The following UNKL variants were observed in gnomAD, a reference collection of about 807,000 sequenced individuals.
UNKL encodes the protein unk like zinc finger, also known as putative E3 ubiquitin-protein ligase UNKL.
Under a neutral mutation model 78.0 loss-of-function variants are expected in UNKL, and 60 were observed. That is an observed-to-expected ratio of 0.77 (90% CI 0.63 to 0.95). The LOEUF is 0.95. UNKL is among the 40% of genes least tolerant of loss of function. The pLI is 0.00. For missense variants in UNKL, 1,159 were observed against 1,045.7 expected (o/e 1.11, Z -1.49); for synonymous variants, 608 against 474.8 (o/e 1.28, Z -3.65).
In UNKL at chr16:1,399,021, AC is replaced by A; in HGVS notation, c.734+352del. 6.9e-7 allele frequency: 1 copy of A among 1,449,658 alleles called. No homozygotes were observed. 89.8% of individuals were successfully genotyped at this position (1,449,658 alleles called of 1,614,324 possible). A position where few individuals can be genotyped will look rare whatever the true frequency, so the allele number is the denominator to read the frequency against. On this transcript the variant is annotated intron_variant, in intron 5 of 14. Coordinates refer to ENST00000389221, the MANE Select transcript of UNKL (RefSeq NM_001372107.1). This position sits in a 1 kb window ranked among gnomAD's most constrained non-coding sequence, Gnocchi z 5.8. ...TGGGTGAGGAGACAGCATGCAGCCCACAGGCTGGAGAGCGTGGCTGCAACCA... is the reference window on the plus strand; with the variant it reads ...TGGGTGAGGAGACAGCATGCAGCCCAAGGCTGGAGAGCGTGGCTGCAACCA...
intron 2 of UNKL, chr16:1,412,271 A>C (rs1177618883): frequency 6.6e-6 from 1 of 152,278 alleles, no homozygotes; most frequent in Non-Finnish European, 1.5e-5. Context: ...TTGTAAAAAA[A>C]GAAAAAAATC....
Position 1,403,143 on chromosome 16 carries a change from T to C in UNKL, c.464+25A>G, listed in dbSNP as rs777555071. The C allele has an allele frequency of 6.3e-7, 1 of 1,594,726 alleles. No individual in the cohort carries two copies. The highest frequency in any genetic ancestry group is 2.3e-5 in the East Asian group (1 of 44,390). On this transcript the variant is annotated intron_variant, in intron 3 of 14. Transcript: ENST00000389221. The surrounding 1 kb of genome is among the most constrained non-coding windows in gnomAD (Gnocchi z 4.8). ...AGCCCACAGCAGCAGGCAGGCCAAG[T>C]GCCCACTCGTGGATGCCCACTCACC...
Position 1,388,072 on chromosome 16 carries a change from A to G in UNKL, c.1086+2560T>C, listed in dbSNP as rs1334704669. On this transcript the variant is annotated intron_variant, in intron 9 of 14. Coordinates refer to ENST00000389221, the MANE Select transcript of UNKL (RefSeq NM_001372107.1). ...CACCCAGGCCCAGAGGCCACCTCCC[A>G]TGTAAGGGAGAGCTGAGGGACTGTT... Among the ~76,000 whole-genome samples the G allele has an allele frequency of 2.0e-5, 3 of 151,814 alleles. No individual in the cohort carries two copies. In the East Asian group the frequency reaches 5.8e-4, roughly 30 times the overall value.
intron 2 of UNKL, chr16:1,408,392 GC>G (rs1275106437): frequency 6.5e-6 from 1 of 153,150 alleles, no homozygotes; most frequent in African/African-American, 2.4e-5. Context: ...GCGGGGCGGG[GC>G]GGGGCCGAGA....
chr16:1,405,670 G>C (rs2037724151), intron 2 of UNKL, among the ~76,000 whole-genome samples: 1 of 152,002 alleles, frequency 6.6e-6, no homozygotes, highest in Non-Finnish European at 1.5e-5. Context: ...AGAAAGCACA[G>C]AGCCATTGCT....
At chr16:1,410,987 T>A (rs1337123248) in intron 2 of UNKL, among the ~76,000 whole-genome samples, 1 of 152,060 alleles carries the variant, frequency 6.6e-6, no homozygotes, top group Non-Finnish European at 1.5e-5. Flanking sequence ...TCCCTGCACG[T>A]TGGAGAGGCC....
rs2035050034 is a variant in UNKL at position 1,364,172 on chromosome 16, T to G, written c.*2068A>C. 1 of 152,212 alleles carries G rather than the reference T, an allele frequency of 6.6e-6. No individual in the cohort carries two copies. The highest frequency in any genetic ancestry group is 2.4e-5 in the African/African-American group (1 of 41,454). The allele number at this position is 152,212 out of a possible 1,614,324, so 9.4% of individuals were successfully genotyped here. ...TACTGAGCTAATAAATCACTGTAGT[T>G]AAAAACAAAATAGATTCACTGAAAC... On this transcript the variant is annotated 3_prime_UTR_variant, in exon 15 of 15. Transcript: ENST00000389221.
intron 4 of UNKL, 62 bp downstream of exon 4, chr16:1,401,506 A>T: frequency 2.8e-6 from 4 of 1,426,284 alleles, no homozygotes; most frequent in Non-Finnish European, 3.7e-6. Context: ...AAGTGGCCCG[A>T]GCTGTTCTCG....
In UNKL at chr16:1,366,080, G is replaced by T. The variant is rs577149905; in HGVS notation, c.*160C>A. 2.4e-6 allele frequency: 2 copies of T among 818,526 alleles called. No individual in the cohort carries two copies. Among genetic ancestry groups the T allele is most frequent in the East Asian group, 6.1e-5 (2 of 32,808 alleles). 50.7% of individuals were successfully genotyped at this position (818,526 alleles called of 1,614,324 possible). A position where few individuals can be genotyped will look rare whatever the true frequency, so the allele number is the denominator to read the frequency against. On this transcript the variant is annotated 3_prime_UTR_variant, in exon 15 of 15. Coordinates refer to ENST00000389221, the MANE Select transcript of UNKL (RefSeq NM_001372107.1). Reference sequence around the variant, plus strand: ...GTGACAGGAAAGGCTGTCAGGCCAAGCGCAGGCGGGGCTCCCAGCCTCATG... The same window carrying T: ...GTGACAGGAAAGGCTGTCAGGCCAATCGCAGGCGGGGCTCCCAGCCTCATG...
intron 10 of UNKL, among the ~76,000 whole-genome samples, chr16:1,375,025 G>A (rs1445922978): frequency 6.6e-6 from 1 of 152,200 alleles, no homozygotes; most frequent in African/African-American, 2.4e-5. Flanking sequence ...TCTCCTCCCT[G>A]GAAGCAGCTG....
In UNKL at chr16:1,397,159, G is replaced by A. The variant is rs745806863; in HGVS notation, c.852+19C>T. The A allele has an allele frequency of 1.4e-4, 213 of 1,545,710 alleles. 3 individuals carry two copies. The South Asian group carries it at 2.3e-3, about 17-fold the overall frequency. ...GACCTTCCAGCGACCCCTACGCCTG[G>A]GGGGTTGGAGGGACGTACCTCGGGA... is the stretch of plus-strand genomic sequence containing the variant. On this transcript the variant is annotated intron_variant, in intron 6 of 14. Transcript: ENST00000389221.
chr16:1,401,645 ACCCCTT>A lies in UNKL; in HGVS notation c.515_520del (p.Glu172_Gly173del). On this transcript the variant is annotated inframe_deletion, in exon 4 of 15. Coordinates refer to ENST00000389221, the MANE Select transcript of UNKL (RefSeq NM_001372107.1). Reference sequence around the variant, plus strand: ...CAAGACCCCAGGCTGCAGATCCGGGACCCCTTCCCCGCCGCCCAGCTGGCCGTTCTG... The same window carrying A: ...CAAGACCCCAGGCTGCAGATCCGGGACCCCGCCGCCCAGCTGGCCGTTCTG... 1 of 1,611,586 alleles carries A rather than the reference ACCCCTT, an allele frequency of 6.2e-7. No individual in the cohort carries two copies. Among genetic ancestry groups the A allele is most frequent in the Non-Finnish European group, 8.5e-7 (1 of 1,179,200 alleles).
In UNKL at chr16:1,403,323, C is replaced by T. The variant is rs553011947; in HGVS notation, c.309G>A (p.Thr103=). Residue 103 remains threonine, a synonymous_variant, in exon 3 of 15, where the codon ACG becomes ACA. Coordinates refer to ENST00000389221, the MANE Select transcript of UNKL (RefSeq NM_001372107.1). This position sits in a 1 kb window ranked among gnomAD's most constrained non-coding sequence, Gnocchi z 4.8. ...GGTACTTGCGTTCTGTGTCCCCCGT[C>T]GTCCGGTGCAGGTAGGGACACCTGG... ...DGDECPYLHR[T]TGDTERKYHL... The T allele has an allele frequency of 6.2e-6, 10 of 1,614,150 alleles. No homozygotes were observed. Among genetic ancestry groups the T allele is most frequent in the Admixed American group, 3.3e-5 (2 of 60,008 alleles).
In UNKL at chr16:1,385,316, G is replaced by GGCTGGACGCCAC; in HGVS notation, c.1144_1155dup (p.Val382_Ser385dup). ...CTGCCGGAGCCGGCGCTGGACGCCA[G>GGCTGGACGCCAC]GCTGGACGCCACGCTGGAGCTCACG... On this transcript the variant is annotated inframe_insertion, in exon 10 of 15. Coordinates refer to ENST00000389221, the MANE Select transcript of UNKL (RefSeq NM_001372107.1). The GGCTGGACGCCAC allele has an allele frequency of 7.1e-7, 1 of 1,414,934 alleles. No homozygotes were observed. The highest frequency in any genetic ancestry group is 9.2e-7 in the Non-Finnish European group (1 of 1,089,014). 87.6% of individuals were successfully genotyped at this position (1,414,934 alleles called of 1,614,324 possible).
rs776576609 is a variant in UNKL, at chr16:1,367,118, G to A, written c.2020C>T (p.Arg674Cys). 14 of 1,585,306 alleles carry A rather than the reference G, an allele frequency of 8.8e-6. No individual in the cohort carries two copies. Among genetic ancestry groups the A allele is most frequent in the African/African-American group, 4.0e-5 (3 of 74,352 alleles). ...CCGTCCACCGCCTCCAGGTCCAGGC[G>A]CAGCTGACTCTGCAGCGAGTGCAGC... ...PKLHSLQSQLRLDLEAVDGVI... is the reference protein window; with the variant it reads ...PKLHSLQSQLCLDLEAVDGVI... Residue 674 changes from arginine (R) to cysteine (C), a missense_variant, in exon 14 of 15, where the codon CGC becomes TGC. Transcript: ENST00000389221.
Position 1,363,359 on chromosome 16 carries a change from G to A in UNKL, c.*2881C>T. On this transcript the variant is annotated 3_prime_UTR_variant, in exon 15 of 15. Transcript: ENST00000389221. ...AAATGATTATAAATACTACCTTCTG[G>A]GTTAAGAAAATTCCATTCAAATAAC... The A allele has an allele frequency of 2.2e-6, 1 of 458,960 alleles. No homozygotes were observed. The highest frequency in any genetic ancestry group is 4.0e-6 in the Non-Finnish European group (1 of 249,100). 28.4% of individuals were successfully genotyped at this position (458,960 alleles called of 1,614,324 possible). A position where few individuals can be genotyped will look rare whatever the true frequency, so the allele number is the denominator to read the frequency against.
Position 1,401,563 on chromosome 16 carries a change from G to T in UNKL, c.598+5C>A. On this transcript the variant is annotated splice_donor_5th_base_variant and intron_variant, in intron 4 of 14. Coordinates refer to ENST00000389221, the MANE Select transcript of UNKL (RefSeq NM_001372107.1). ...CACCGCCCTCAGCTGCGGCCGTGGA[G>T]TTACCTTGCCACCGGGGGTCCTCGC... is the stretch of plus-strand genomic sequence containing the variant. 6.3e-7 allele frequency: 1 copy of T among 1,575,384 alleles called. No individual in the cohort carries two copies. The highest frequency in any genetic ancestry group is 8.6e-7 in the Non-Finnish European group (1 of 1,157,022).
chr16:1,394,328 C>A, intron 6 of UNKL, 113 bp from the exon 7 acceptor site: 2 of 1,304,958 alleles, frequency 1.5e-6, no homozygotes, highest in Non-Finnish European at 2.2e-6. Flanking sequence ...AACAAGACAC[C>A]CCTGAAAAGG....
chr16:1,382,243 ACATC>A (rs2036630750), intron 10 of UNKL, among the ~76,000 whole-genome samples: 2 of 152,226 alleles, frequency 1.3e-5, no homozygotes, highest in African/African-American at 4.8e-5. Context: ...CTAACAGGAG[ACATC>A]CCACACCACA....
Sources: allele counts gnomAD v4.1 joint callset (sites outside exome capture counted in the v4.1 genomes callset), GRCh38; gene constraint gnomAD v4.1.1; non-coding constraint Gnocchi (gnomAD v3.1); transcripts MANE v1.5; gene names NCBI Gene and HGNC (gene_info 2026-07-23, HGNC 2026-07-21).